The following PTPN9 variants were observed in gnomAD, a reference collection of about 807,000 sequenced individuals.
PTPN9 encodes protein tyrosine phosphatase non-receptor type 9, also known as tyrosine-protein phosphatase non-receptor type 9.
PTPN9 carries 26 observed loss-of-function variants against 69.8 expected under a neutral mutation model. That is an observed-to-expected ratio of 0.37 (90% CI 0.27 to 0.52). PTPN9 has a LOEUF of 0.52. Among genes scored for constraint, PTPN9 ranks in the 20% least tolerant of loss-of-function variants. The probability of loss-of-function intolerance (pLI) is 0.91; values close to 1 mark genes in which losing one functional copy is unlikely to be tolerated. For synonymous variants in PTPN9, 274 were observed against 272.5 expected, an observed-to-expected ratio of 1.01 and a Z score of -0.05; for missense variants, 549 against 740.3, an observed-to-expected ratio of 0.74 and a Z score of 3.00.
chr15:75,470,503 G>T (rs574209190), intron 11 of PTPN9, among the ~76,000 whole-genome samples, 177 bp downstream of exon 11: 1 of 152,078 alleles, frequency 6.6e-6, no homozygotes, highest in Non-Finnish European at 1.5e-5. Context: ...TGTTCCTATC[G>T]TGCTGCAGTA....
Position 75,464,850 on chromosome 15 carries a change from A to C in PTPN9, c.*3919T>G, listed in dbSNP as rs967446458. ...TCATTTACCTGCATACTGTCACATG[A>C]AGACTGATAAGGGTGGGCCTCCGAG... On this transcript the variant is annotated 3_prime_UTR_variant, in exon 13 of 13. Transcript: ENST00000618819. The C allele has an allele frequency of 6.6e-6, 1 of 152,194 alleles. No individual in the cohort carries two copies. The highest frequency in any genetic ancestry group is 1.5e-5 in the Non-Finnish European group (1 of 68,050). 9.4% of individuals were successfully genotyped at this position (152,194 alleles called of 1,614,324 possible). A position where few individuals can be genotyped will look rare whatever the true frequency, so the allele number is the denominator to read the frequency against.
At chr15:75,480,080 C>T (rs998352560) in intron 8 of PTPN9, among the ~76,000 whole-genome samples, 166 bp from the exon 9 acceptor site, 1 of 152,000 alleles carries the variant, frequency 6.6e-6, no homozygotes, top group Non-Finnish European at 1.5e-5. Flanking sequence ...ATAAATGGTG[C>T]TGGGACAAGT....
intron 1 of PTPN9, among the ~76,000 whole-genome samples, chr15:75,558,056 G>A (rs1035661924): frequency 1.1e-4 from 16 of 152,270 alleles, no homozygotes; most frequent in South Asian, 6.2e-4. Flanking sequence ...TTGACCAGGC[G>A]CAGTCGCTCA....
chr15:75,476,127 C>G (rs2074594718), intron 9 of PTPN9, among the ~76,000 whole-genome samples: 2 of 151,882 alleles, frequency 1.3e-5, no homozygotes. Flanking sequence ...ACTCTGTCAC[C>G]CAGCCTAGGT....
At position 75,511,410 on chromosome 15, in the gene PTPN9, G is replaced by T. The variant is rs578049757; in HGVS notation, c.529-2383C>A. 2.6e-5 allele frequency among the ~76,000 whole-genome samples: 4 copies of T among 151,880 alleles called. No homozygotes were observed. In the East Asian group the frequency reaches 7.7e-4, roughly 29 times the overall value. On this transcript the variant is annotated intron_variant, in intron 5 of 12. Coordinates refer to ENST00000618819, the MANE Select transcript of PTPN9 (RefSeq NM_002833.4). ...TGTGCCACCATGCCTGTCTAATTTT[G>T]TATTTTTGTAGAATAAAAATACAAA...
chr15:75,485,558 G>A (rs1009895870), intron 8 of PTPN9, among the ~76,000 whole-genome samples: 4 of 149,020 alleles, frequency 2.7e-5, no homozygotes, highest in East Asian at 2.0e-4. Flanking sequence ...TTTTAGTAGA[G>A]ACGGGGTTTC....
Position 75,469,783 on chromosome 15 carries a change from G to A in PTPN9, c.1567+9C>T. 2 of 1,612,016 alleles carry A rather than the reference G, an allele frequency of 1.2e-6. No homozygotes were observed. The highest frequency in any genetic ancestry group is 1.7e-6 in the Non-Finnish European group (2 of 1,179,658). ...CTGCAGACACCAAGAGCTGCATTAG[G>A]TGCGTTACCTGTCCTGCCAATGCCT... On this transcript the variant is annotated intron_variant, in intron 12 of 12. Transcript: ENST00000618819.
chr15:75,494,197 A>C (rs2074727068), intron 7 of PTPN9, among the ~76,000 whole-genome samples: 1 of 150,198 alleles, frequency 6.7e-6, no homozygotes, highest in Admixed American at 6.7e-5. Flanking sequence ...CGCGAGCGAG[A>C]ACTAACATAA....
intron 8 of PTPN9, 114 bp from the exon 9 acceptor site, chr15:75,480,028 A>G (rs1018513171): frequency 2.9e-6 from 2 of 694,762 alleles, no homozygotes; most frequent in Non-Finnish European, 4.7e-6. Flanking sequence ...CTTGTTGAGC[A>G]GAAAATGAGG....
At chr15:75,502,268 G>T (rs945631427) in intron 7 of PTPN9, among the ~76,000 whole-genome samples, 1 of 152,040 alleles carries the variant, frequency 6.6e-6, no homozygotes, top group Admixed American at 6.6e-5. Context: ...ACAACATCGT[G>T]AAACCCTGTC....
intron 8 of PTPN9, chr15:75,487,834 A>G (rs1352646873): frequency 6.6e-6 from 1 of 152,266 alleles, no homozygotes; most frequent in Non-Finnish European, 1.5e-5. Context: ...CCCAACCCAC[A>G]TGTCATATAT....
At chr15:75,573,190 G>C (rs1313911037) in intron 1 of PTPN9, among the ~76,000 whole-genome samples, 7 of 152,120 alleles carry the variant, frequency 4.6e-5, no homozygotes, top group African/African-American at 1.7e-4. Flanking sequence ...ATGTGACCTT[G>C]GGCAATTTCC....
intron 1 of PTPN9, among the ~76,000 whole-genome samples, chr15:75,566,255 T>C (rs2075125948): frequency 6.6e-6 from 1 of 152,154 alleles, no homozygotes; most frequent in Non-Finnish European, 1.5e-5. Context: ...GTTTTACTTA[T>C]AAATCTTCTA....
At chr15:75,555,651 T>A (rs935140032) in intron 1 of PTPN9, among the ~76,000 whole-genome samples, 48 of 151,596 alleles carry the variant, frequency 3.2e-4, no homozygotes, top group African/African-American at 1.2e-3. Flanking sequence ...ATTACAGGCG[T>A]GCACCACCAT....
chr15:75,537,853 G>A (rs930374081), intron 1 of PTPN9, among the ~76,000 whole-genome samples: 17 of 151,364 alleles, frequency 1.1e-4, no homozygotes, highest in African/African-American at 2.4e-4. Flanking sequence ...GAGGTCAGGC[G>A]TTCAAGACCA....
intron 6 of PTPN9, 132 bp downstream of exon 6, chr15:75,508,785 G>A (rs1397240016): frequency 1.4e-5 from 9 of 645,654 alleles, no homozygotes; most frequent in East Asian, 2.7e-5. Flanking sequence ...GAGAATATAA[G>A]TGAATGCACT....
intron 1 of PTPN9, among the ~76,000 whole-genome samples, chr15:75,535,136 A>G (rs1298857221): frequency 2.6e-5 from 4 of 151,450 alleles, no homozygotes; most frequent in Non-Finnish European, 5.9e-5. Flanking sequence ...AGCTGGGACT[A>G]CAGGCGGCCG....
intron 1 of PTPN9, 82 bp downstream of exon 1, chr15:75,578,632 G>T: frequency 8.8e-7 from 1 of 1,137,920 alleles, no homozygotes; most frequent in South Asian, 2.8e-5. Flanking sequence ...TGGCTGCAAA[G>T]AGCCGGCACT....
chr15:75,496,914 T>C (rs949053296), intron 7 of PTPN9, among the ~76,000 whole-genome samples: 11 of 152,202 alleles, frequency 7.2e-5, no homozygotes, highest in African/African-American at 2.7e-4. Flanking sequence ...AATAGGAATT[T>C]GCTATTTATT....
Sources: allele counts gnomAD v4.1 joint callset (sites outside exome capture counted in the v4.1 genomes callset), GRCh38; gene constraint gnomAD v4.1.1; transcripts MANE v1.5; gene names NCBI Gene and HGNC (gene_info 2026-07-23, HGNC 2026-07-21).